EYA2: variants seen among roughly 807,000 people sequenced by gnomAD.
EYA2 encodes EYA transcriptional coactivator and phosphatase 2.
Under a neutral mutation model 69.2 loss-of-function variants are expected in EYA2, and 31 were observed. That is an observed-to-expected ratio of 0.45 (90% CI 0.34 to 0.60). EYA2 has a LOEUF of 0.60. EYA2 is among the 20% of genes least tolerant of loss of function. The pLI is 0.02. For synonymous variants in EYA2, 257 were observed against 279.4 expected (o/e 0.92, Z 0.80); for missense variants, 622 against 701.2 (o/e 0.89, Z 1.28).
chr20:47,029,309 C>T (rs1187175043), intron 5 of EYA2, among the ~76,000 whole-genome samples: 1 of 152,188 alleles, frequency 6.6e-6, no homozygotes, highest in Non-Finnish European at 1.5e-5. Context: ...AGGGCTCAGC[C>T]CATAGAAGGA....
At chr20:47,170,953 C>T (rs572077940) in intron 11 of EYA2, among the ~76,000 whole-genome samples, 6 of 152,332 alleles carry the variant, frequency 3.9e-5, no homozygotes, top group South Asian at 2.1e-4. Context: ...CCGGCACAAT[C>T]GGAAGTGATC....
intron 1 of EYA2, among the ~76,000 whole-genome samples, chr20:46,933,345 T>C (rs758060319): frequency 1.3e-5 from 2 of 152,138 alleles, no homozygotes; most frequent in Non-Finnish European, 2.9e-5. Context: ...GCAAAGAGGC[T>C]AGAGGCCCTC....
chr20:46,904,520 T>C (rs1984262431), intron 1 of EYA2, among the ~76,000 whole-genome samples: 1 of 152,104 alleles, frequency 6.6e-6, no homozygotes, highest in South Asian at 2.1e-4. Flanking sequence ...GACATTGTGA[T>C]TGAACTTGAG....
At chr20:47,119,478 G>A (rs1028945624) in intron 9 of EYA2, among the ~76,000 whole-genome samples, 5 of 152,168 alleles carry the variant, frequency 3.3e-5, no homozygotes, top group Non-Finnish European at 7.3e-5. Flanking sequence ...TCATACTCGT[G>A]GAATATGATT....
intron 9 of EYA2, among the ~76,000 whole-genome samples, chr20:47,116,101 T>G (rs542438101): frequency 9.2e-5 from 14 of 152,062 alleles, no homozygotes; most frequent in Non-Finnish European, 1.5e-4. Flanking sequence ...ACAGTGCTCA[T>G]AGTAGCACAG....
At chr20:46,994,666 C>T (rs1981899006) in intron 2 of EYA2, among the ~76,000 whole-genome samples, 1 of 152,174 alleles carries the variant, frequency 6.6e-6, no homozygotes, top group Admixed American at 6.5e-5. Context: ...TGGGGAACCA[C>T]ATGTCAGCTT....
rs2146477577 is a variant in EYA2 at position 47,074,265 on chromosome 20, C to T, written c.591C>T (p.Leu197=). 4 of 1,614,184 alleles carry T rather than the reference C, an allele frequency of 2.5e-6. No individual in the cohort carries two copies. The highest frequency in any genetic ancestry group is 1.6e-4 in the Middle Eastern group (1 of 6,062). Residue 197 remains leucine (L), a synonymous_variant, in exon 7 of 16, where the codon CTC becomes CTT. Coordinates refer to ENST00000327619, the MANE Select transcript of EYA2 (RefSeq NM_005244.5). The stretch of plus-strand genomic sequence containing the variant: ...CCAGCAGCATCTGCCCTTCGCCCCT[C>T]TCCACGTCCACCTACGTCCTCCAGG... ...VPASSICPSP[L]STSTYVLQEA...
intron 5 of EYA2, among the ~76,000 whole-genome samples, chr20:47,070,646 C>T: frequency 6.6e-6 from 1 of 152,042 alleles, no homozygotes; most frequent in East Asian, 1.9e-4. Context: ...TACATCTATG[C>T]CATTGTGCAT....
At chr20:47,151,503 A>G (rs1358804975) in intron 10 of EYA2, among the ~76,000 whole-genome samples, 1 of 151,490 alleles carries the variant, frequency 6.6e-6, no homozygotes, top group African/African-American at 2.4e-5. Flanking sequence ...TTGAACATCC[A>G]TGCTCCCCAC....
intron 5 of EYA2, among the ~76,000 whole-genome samples, chr20:47,057,905 C>T (rs1029385208): frequency 1.3e-5 from 2 of 152,206 alleles, no homozygotes; most frequent in Non-Finnish European, 2.9e-5. Context: ...AACCCTGCTC[C>T]ACCCCTTCCC....
intron 5 of EYA2, among the ~76,000 whole-genome samples, chr20:47,050,246 T>C (rs1268723667): frequency 6.6e-6 from 1 of 152,230 alleles, no homozygotes; most frequent in Non-Finnish European, 1.5e-5. Context: ...CATCAGAGTC[T>C]GGGTCCTAAC....
intron 1 of EYA2, among the ~76,000 whole-genome samples, chr20:46,919,622 A>G (rs1985089819): frequency 6.6e-6 from 1 of 152,218 alleles, no homozygotes; most frequent in Non-Finnish European, 1.5e-5. Context: ...GGTTGGTTTG[A>G]TCTTCTATCC....
intron 10 of EYA2, among the ~76,000 whole-genome samples, chr20:47,148,042 G>A (rs916814048): frequency 7.9e-6 from 1 of 127,180 alleles, no homozygotes; most frequent in Non-Finnish European, 1.6e-5. Flanking sequence ...CTGGGCGACA[G>A]AGCAAGACTC....
At chr20:46,953,902 C>A (rs984321327) in intron 1 of EYA2, among the ~76,000 whole-genome samples, 3 of 152,214 alleles carry the variant, frequency 2.0e-5, no homozygotes, top group African/African-American at 7.2e-5. Flanking sequence ...AACCTTCCAG[C>A]AAATTCCCAA....
chr20:46,934,697 G>A (rs1408324262), intron 1 of EYA2, among the ~76,000 whole-genome samples: 1 of 152,028 alleles, frequency 6.6e-6, no homozygotes, highest in Non-Finnish European at 1.5e-5. Flanking sequence ...ACTTGATTAT[G>A]TGCACTGGGT....
chr20:47,142,800 C>G (rs914738007), intron 9 of EYA2, among the ~76,000 whole-genome samples: 1 of 152,198 alleles, frequency 6.6e-6, no homozygotes, highest in East Asian at 1.9e-4. Flanking sequence ...AACACTGTTG[C>G]AATCCCAGGG....
chr20:46,977,965 C>CT (rs1166669817), intron 1 of EYA2, among the ~76,000 whole-genome samples: 1 of 152,160 alleles, frequency 6.6e-6, no homozygotes, highest in Non-Finnish European at 1.5e-5. Flanking sequence ...GATTCCTACT[C>CT]TAATTTTTCA....
At chr20:47,110,375 G>A (rs1284379976) in intron 9 of EYA2, among the ~76,000 whole-genome samples, 1 of 152,122 alleles carries the variant, frequency 6.6e-6, no homozygotes, top group Non-Finnish European at 1.5e-5. Context: ...TTGTGTAGCT[G>A]GGACCACAGA....
intron 1 of EYA2, among the ~76,000 whole-genome samples, chr20:46,899,980 AC>A (rs1260532239): frequency 6.6e-6 from 1 of 152,254 alleles, no homozygotes; most frequent in Non-Finnish European, 1.5e-5. Context: ...TTAAAAATGA[AC>A]AAAGTATGTA....
Sources: allele counts gnomAD v4.1 joint callset (sites outside exome capture counted in the v4.1 genomes callset), GRCh38; gene constraint gnomAD v4.1.1; transcripts MANE v1.5; gene names NCBI Gene and HGNC (gene_info 2026-07-23, HGNC 2026-07-21).